Variants in LPP observed in about 807,000 individuals in gnomAD.
LPP encodes the protein lipoma-preferred partner.
In LPP, 38 loss-of-function variants were observed where a neutral mutation model predicts 60.4. That is an observed-to-expected ratio of 0.63 (90% CI 0.49 to 0.83). The LOEUF is 0.83. Ranked by LOEUF, LPP falls within the 40% of genes least tolerant of loss-of-function variation. LPP has a pLI of 0.00. For missense variants in LPP, 902 were observed against 783.6 expected (o/e 1.15, Z -1.80); for synonymous variants, 328 against 290.8 (o/e 1.13, Z -1.30).
At chr3:188,851,766 A>G (rs1762731340) in intron 9 of LPP, among the ~76,000 whole-genome samples, 1 of 152,242 alleles carries the variant, frequency 6.6e-6, no homozygotes, top group South Asian at 2.1e-4. Flanking sequence ...AATATTGTCT[A>G]TGTGTCAATT....
chr3:188,269,645 ATGTGTGTGTG>A (rs368115626), intron 2 of LPP, among the ~76,000 whole-genome samples: 28 of 136,516 alleles, frequency 2.1e-4, no homozygotes, highest in East Asian at 2.1e-4. Flanking sequence ...CTTTTTTTTT[ATGTGTGTGTG>A]TGTGTGTGTG....
chr3:188,245,697 G>A (rs753901813), intron 2 of LPP, among the ~76,000 whole-genome samples: 45 of 150,558 alleles, frequency 3.0e-4, no homozygotes, highest in Non-Finnish European at 5.9e-4. Context: ...ATTTGTGTGT[G>A]CCCTGCTTTT....
At chr3:188,837,208 G>C (rs1404708555) in intron 9 of LPP, among the ~76,000 whole-genome samples, 1 of 151,744 alleles carries the variant, frequency 6.6e-6, no homozygotes, top group Non-Finnish European at 1.5e-5. Context: ...GGTGAAACCT[G>C]TCTCTACTAA....
intron 2 of LPP, among the ~76,000 whole-genome samples, 197 bp from the exon 3 acceptor site, chr3:188,341,466 C>G (rs1763040541): frequency 6.6e-6 from 1 of 152,232 alleles, no homozygotes; most frequent in Admixed American, 6.5e-5. Context: ...CTTTGAGCTT[C>G]TGTTTCCTCA....
At chr3:188,394,973 T>G (rs997470587) in intron 3 of LPP, among the ~76,000 whole-genome samples, 7 of 152,210 alleles carry the variant, frequency 4.6e-5, no homozygotes, top group Admixed American at 3.3e-4. Flanking sequence ...AGCTTGCCTG[T>G]TTTTCATACC....
chr3:188,348,996 A>C (rs775749180), intron 3 of LPP, among the ~76,000 whole-genome samples: 5 of 152,334 alleles, frequency 3.3e-5, no homozygotes, highest in Non-Finnish European at 5.9e-5. Flanking sequence ...AGAAGTTACT[A>C]TTCAGAAGGG....
chr3:188,609,217 G>A lies in LPP; in HGVS notation c.486G>A (p.Lys162=), dbSNP rs1304594471. 3.7e-6 allele frequency: 6 copies of A among 1,613,740 alleles called. No homozygotes were observed. Among genetic ancestry groups the A allele is most frequent in the Non-Finnish European group, 5.1e-6 (6 of 1,179,960 alleles). The change falls in exon 7 of 12, where the codon AAG becomes AAA. Residue 162 remains lysine (K), a synonymous_variant. Coordinates refer to ENST00000617246, the MANE Select transcript of LPP (RefSeq NM_001375462.1). This position sits in a 1 kb window ranked among gnomAD's most constrained non-coding sequence, Gnocchi z 6.9. ...PPVSTPVTGH[K]RMVIPNQPPL... The stretch of plus-strand genomic sequence containing the variant: ...TTTCGACCCCAGTCACAGGACACAA[G>A]AGAATGGTCATCCCGAACCAACCCC...
intron 3 of LPP, among the ~76,000 whole-genome samples, chr3:188,383,882 A>G (rs2030518): frequency 0.6 from 91,708 of 152,042 alleles, 29,278 homozygotes; most frequent in African/African-American, 0.81. Flanking sequence ...TTTGGGTCAA[A>G]TAGCATTTAC....
At chr3:188,524,408 AAAC>A (rs774736003) in intron 5 of LPP, among the ~76,000 whole-genome samples, 4 of 152,194 alleles carry the variant, frequency 2.6e-5, no homozygotes, top group African/African-American at 4.8e-5. Context: ...TACTTATTTT[AAAC>A]AACAACAACG....
At chr3:188,176,331 A>C (rs1011206782) in intron 1 of LPP, among the ~76,000 whole-genome samples, 1 of 152,138 alleles carries the variant, frequency 6.6e-6, no homozygotes, top group Non-Finnish European at 1.5e-5. Context: ...ATAAATAAAT[A>C]AATTTAAAAA....
intron 9 of LPP, among the ~76,000 whole-genome samples, chr3:188,778,337 T>G (rs1337878522): frequency 6.6e-6 from 1 of 152,314 alleles, no homozygotes; most frequent in East Asian, 1.9e-4. Context: ...TCCCAGCTCA[T>G]TTATATACAG....
intron 2 of LPP, among the ~76,000 whole-genome samples, chr3:188,246,701 G>A (rs1033245982): frequency 2.6e-5 from 4 of 152,184 alleles, no homozygotes; most frequent in African/African-American, 9.7e-5. Context: ...TGACATAGAT[G>A]AGACACAAAG....
At chr3:188,723,392 C>T (rs1168765762) in intron 8 of LPP, among the ~76,000 whole-genome samples, 3 of 152,170 alleles carry the variant, frequency 2.0e-5, no homozygotes, top group Non-Finnish European at 2.9e-5. Context: ...TTGGTTAAAG[C>T]ATTCTAATCA....
At chr3:188,472,629 C>T (rs916864215) in intron 4 of LPP, 10 of 152,086 alleles carry the variant, frequency 6.6e-5, no homozygotes, top group African/African-American at 2.4e-4. Flanking sequence ...ACAGAAGGCC[C>T]CTGGCCTCAT....
chr3:188,799,855 A>G (rs1334845633), intron 9 of LPP, among the ~76,000 whole-genome samples: 1 of 152,184 alleles, frequency 6.6e-6, no homozygotes, highest in African/African-American at 2.4e-5. Flanking sequence ...CTAGTAAAAA[A>G]TCAAGTTATG....
intron 2 of LPP, among the ~76,000 whole-genome samples, chr3:188,240,679 AG>A (rs142266842): frequency 0.026 from 4,018 of 152,264 alleles, 184 homozygotes; most frequent in African/African-American, 0.092. Context: ...TCAACTAGTA[AG>A]GCTGCTCAGG....
chr3:188,722,195 G>C (rs542875189), intron 8 of LPP, among the ~76,000 whole-genome samples: 1 of 152,314 alleles, frequency 6.6e-6, no homozygotes, highest in Admixed American at 6.5e-5. Flanking sequence ...AAGTGGAATA[G>C]GATGTTGAAT....
chr3:188,800,066 A>G (rs1029241150), intron 9 of LPP, among the ~76,000 whole-genome samples: 3 of 152,070 alleles, frequency 2.0e-5, no homozygotes, highest in African/African-American at 7.2e-5. Context: ...ATTTCTAAAA[A>G]TAATAATGTA....
chr3:188,495,106 T>C (rs974767093), intron 5 of LPP, among the ~76,000 whole-genome samples: 8 of 109,578 alleles, frequency 7.3e-5, no homozygotes, highest in African/African-American at 2.6e-4. Flanking sequence ...TTATTATATA[T>C]TTTTATATAT....
Sources: gnomAD v4.1 joint callset for allele counts (sites outside exome capture counted in the v4.1 genomes callset) on GRCh38, gnomAD v4.1.1 for gene constraint, Gnocchi (gnomAD v3.1) non-coding constraint, MANE v1.5 for transcripts, NCBI Gene and HGNC (gene_info 2026-07-23, HGNC 2026-07-21) for gene names.